Variants in CAPRIN1 observed in about 807,000 individuals in gnomAD.
The protein encoded by CAPRIN1 is cell cycle associated protein 1, also known as caprin-1.
CAPRIN1 carries 29 observed loss-of-function variants against 100.9 expected under a neutral mutation model. The ratio of observed to expected loss-of-function variants is 0.29; its 90% CI spans 0.21 to 0.39. The LOEUF is 0.39. Ranked by LOEUF, CAPRIN1 falls within the 10% of genes least tolerant of loss-of-function variation. CAPRIN1 has a pLI of 1.00. For synonymous variants in CAPRIN1, 338 were observed against 307.5 expected (o/e 1.10, Z -1.04); for missense variants, 795 against 876.7 (o/e 0.91, Z 1.18).
At chr11:34,096,453 A>T (rs201600650) in intron 15 of CAPRIN1, 26 bp from the exon 16 acceptor site, 7 of 1,571,678 alleles carry the variant, frequency 4.5e-6, no homozygotes, top group Non-Finnish European at 5.2e-6. Flanking sequence ...GTTTATGTAT[A>T]TATCTTTTTC....
rs73497067 is a variant in CAPRIN1, at chr11:34,068,021, G to C, written c.217-3705G>C. 7.1e-4 allele frequency among the ~76,000 whole-genome samples: 108 copies of C among 152,310 alleles called. 1 individual carries two copies. The highest frequency in any genetic ancestry group is 2.5e-3 in the African/African-American group (104 of 41,568). On this transcript the variant is annotated intron_variant, in intron 2 of 18. Transcript: ENST00000341394. ...TTTCTTATGCACAAAGATTCTGCCT[G>C]TCAGGGATTCAGACAGGGCACACAG...
chr11:34,094,308 G>C lies in CAPRIN1; in HGVS notation c.1706-2171G>C, dbSNP rs545942927. ...AGGCCTCAGGTGATCCACCCGCCTC[G>C]GCCTTCCAAAGTGCTGGGATTACAG... On this transcript the variant is annotated intron_variant, in intron 15 of 18. Transcript: ENST00000341394. Among the ~76,000 whole-genome samples the C allele has an allele frequency of 3.6e-3, 551 of 151,848 alleles. 3 individuals are homozygous for C. The highest frequency in any genetic ancestry group is 0.013 in the African/African-American group (520 of 41,374).
At chr11:34,053,923 C>A (rs562243400) in intron 2 of CAPRIN1, among the ~76,000 whole-genome samples, 3 of 152,082 alleles carry the variant, frequency 2.0e-5, no homozygotes, top group East Asian at 1.9e-4. Context: ...TTGATAACTT[C>A]TACTTGTCTG....
chr11:34,058,403 C>T (rs1271137509), intron 2 of CAPRIN1, among the ~76,000 whole-genome samples: 1 of 152,200 alleles, frequency 6.6e-6, no homozygotes, highest in Non-Finnish European at 1.5e-5. Flanking sequence ...TCCCAAAGTG[C>T]TGGGATTACA....
intron 9 of CAPRIN1, 147 bp downstream of exon 9, chr11:34,083,188 A>C: frequency 1.6e-6 from 1 of 625,384 alleles, no homozygotes. Flanking sequence ...TTACTTCCAA[A>C]AAATGAATGT....
intron 2 of CAPRIN1, among the ~76,000 whole-genome samples, chr11:34,070,427 C>CA (rs1179049325): frequency 6.6e-6 from 1 of 152,158 alleles, no homozygotes; most frequent in East Asian, 1.9e-4. Flanking sequence ...AGCAGCATCT[C>CA]ACGCTGTCGC....
chr11:34,089,105 C>T (rs563030122), intron 11 of CAPRIN1, among the ~76,000 whole-genome samples: 1 of 151,534 alleles, frequency 6.6e-6, no homozygotes, highest in African/African-American at 2.4e-5. Flanking sequence ...CCTGTCTCTA[C>T]TAAAAATACA....
rs1851459522 is a variant in CAPRIN1, at chr11:34,101,856, T to C, written c.*2489T>C. On this transcript the variant is annotated 3_prime_UTR_variant, in exon 19 of 19. Transcript: ENST00000341394. Reference sequence around the variant, plus strand: ...GTTTCAAGGAAATGATTGTCACACATGTCACTGTAGCCTCTTGGTGTAGCA... The same window carrying C: ...GTTTCAAGGAAATGATTGTCACACACGTCACTGTAGCCTCTTGGTGTAGCA... 1.3e-5 allele frequency among the ~76,000 whole-genome samples: 2 copies of C among 152,204 alleles called. No individual in the cohort carries two copies. The highest frequency in any genetic ancestry group is 6.5e-5 in the Admixed American group (1 of 15,280).
intron 2 of CAPRIN1, among the ~76,000 whole-genome samples, chr11:34,058,613 A>C (rs972957400): frequency 2.2e-4 from 33 of 152,164 alleles, no homozygotes. Flanking sequence ...TTATTATTAG[A>C]CTTTTATTAA....
At position 34,079,701 on chromosome 11, in the gene CAPRIN1, T is replaced by C. The variant is rs1414773116; in HGVS notation, c.762T>C (p.Asn254=). ...TTGACAGCACCCACAACCACCAGAA[T>C]GGGCTGTGTGAGGAAGAAGAGGCAG... ...NYFDSTHNHQ[N]GLCEEEEAAS... The change falls in exon 7 of 19, where the codon AAT becomes AAC. Residue 254 remains asparagine (N), a synonymous_variant. Transcript: ENST00000341394. 1 of 1,614,078 alleles carries C rather than the reference T, an allele frequency of 6.2e-7. No individual in the cohort carries two copies. The highest frequency in any genetic ancestry group is 2.2e-5 in the East Asian group (1 of 44,876).
intron 4 of CAPRIN1, among the ~76,000 whole-genome samples, chr11:34,073,284 C>G (rs1416172314): frequency 6.6e-6 from 1 of 152,104 alleles, no homozygotes; most frequent in East Asian, 1.9e-4. Context: ...TTGTATTAGT[C>G]AAGGTTTTCC....
chr11:34,052,133 T>TCCGGCGCGAGCCTCGGAGCCC (rs1388928698), intron 1 of CAPRIN1: 1 of 150,008 alleles, frequency 6.7e-6, no homozygotes, highest in African/African-American at 2.4e-5. Flanking sequence ...ATGCCCCGCC[T>TCCGGCGCGAGCCTCGGAGCCC]CCGGCGCGAG....
chr11:34,062,146 C>CT (rs1339163140), intron 2 of CAPRIN1, among the ~76,000 whole-genome samples: 1 of 152,074 alleles, frequency 6.6e-6, no homozygotes, highest in Non-Finnish European at 1.5e-5. Flanking sequence ...ATTGAGGAAA[C>CT]TTTTGCTTAC....
chr11:34,082,015 T>C (rs1851042738), intron 7 of CAPRIN1, among the ~76,000 whole-genome samples: 1 of 152,102 alleles, frequency 6.6e-6, no homozygotes, highest in Non-Finnish European at 1.5e-5. Context: ...TTTCACCATG[T>C]TGGCCAGGCT....
At chr11:34,087,443 C>A (rs1451280346) in intron 11 of CAPRIN1, among the ~76,000 whole-genome samples, 17 of 127,262 alleles carry the variant, frequency 1.3e-4, no homozygotes. Context: ...ACGCCATTCT[C>A]CTGCCTCAGC....
In CAPRIN1 at chr11:34,101,564, T is replaced by C. The variant is rs1027011572; in HGVS notation, c.*2197T>C. On this transcript the variant is annotated 3_prime_UTR_variant, in exon 19 of 19. Transcript: ENST00000341394. ...TAAAGGTGTTCATAGTTTGACTGTT[T>C]CTATGTATGTTTTTTCAAAGAATTG... Among the ~76,000 whole-genome samples, 1 of 152,198 alleles carries C rather than the reference T, an allele frequency of 6.6e-6. No individual in the cohort carries two copies. Among genetic ancestry groups the C allele is most frequent in the Non-Finnish European group, 1.5e-5 (1 of 68,020 alleles).
intron 11 of CAPRIN1, 124 bp downstream of exon 11, chr11:34,086,537 T>C (rs1022093713): frequency 3.4e-6 from 2 of 580,628 alleles, no homozygotes; most frequent in Admixed American, 3.5e-5. Flanking sequence ...CTTAGGTCTT[T>C]TAATTTGATA....
At position 34,090,550 on chromosome 11, in the gene CAPRIN1, G is replaced by A; in HGVS notation, c.1426G>A (p.Asp476Asn). ...TTAGGCAACAATCTCTTTAAATACA[G>A]ACCAGACTACAGCATCATCATCCCT... is the stretch of plus-strand genomic sequence containing the variant. The part of the protein sequence containing the change: ...QIQATISLNT[D>N]QTTASSSLPA... The change falls in exon 14 of 19, where the codon GAC becomes AAC. Residue 476 changes from aspartate (D) to asparagine (N), a missense_variant. Transcript: ENST00000341394. 1 of 1,614,072 alleles carries A rather than the reference G, an allele frequency of 6.2e-7. No individual in the cohort carries two copies.
chr11:34,081,660 A>G (rs114410264), intron 7 of CAPRIN1, among the ~76,000 whole-genome samples: 15,514 of 151,796 alleles, frequency 0.1, 850 homozygotes, highest in African/African-American at 0.15. Context: ...CACCTGACTC[A>G]GTTTTTTTTG....
Sources: allele counts gnomAD v4.1 joint callset (sites outside exome capture counted in the v4.1 genomes callset), GRCh38; gene constraint gnomAD v4.1.1; transcripts MANE v1.5; gene names NCBI Gene and HGNC (gene_info 2026-07-23, HGNC 2026-07-21).